The following CFAP251 variants were observed in gnomAD, a reference collection of about 807,000 sequenced individuals.
CFAP251 encodes cilia and flagella associated protein 251.
Under a neutral mutation model 126.7 loss-of-function variants are expected in CFAP251, and 93 were observed. The ratio of observed to expected loss-of-function variants is 0.73; its 90% CI spans 0.62 to 0.87. CFAP251 has a LOEUF of 0.87. Ranked by LOEUF, CFAP251 falls within the 40% of genes least tolerant of loss-of-function variation. The pLI is 0.00. For missense variants in CFAP251, 1,287 were observed against 1,389.2 expected, an observed-to-expected ratio of 0.93 and a Z score of 1.17; for synonymous variants, 503 against 506.9, an observed-to-expected ratio of 0.99 and a Z score of 0.10.
At chr12:121,999,981 G>A (rs1883111360) in intron 20 of CFAP251, 37 bp downstream of exon 20, 4 of 1,543,400 alleles carry the variant, frequency 2.6e-6, no homozygotes, top group Non-Finnish European at 3.6e-6. Flanking sequence ...TAACATCCTG[G>A]GGCCATTCCC....
At chr12:121,952,874 T>G (rs547489137) in intron 9 of CFAP251, 3 of 152,228 alleles carry the variant, frequency 2.0e-5, no homozygotes, top group Non-Finnish European at 2.9e-5. Context: ...TTCTCATTAT[T>G]GTTGGTAGTT....
rs879035625 is a variant in CFAP251 at position 121,942,837 on chromosome 12, G to A, written c.1111-58G>A. 1.9e-6 allele frequency: 3 copies of A among 1,586,678 alleles called. No homozygotes were observed. The South Asian group carries it at 3.3e-5, about 18-fold the overall frequency. On this transcript the variant is annotated intron_variant, in intron 6 of 21. Coordinates refer to ENST00000288912, the MANE Select transcript of CFAP251 (RefSeq NM_144668.6). The stretch of plus-strand genomic sequence containing the variant: ...TTTGGGGTCACCACAAGAGGTGTAA[G>A]TTACTTCAGCAGACTTCACAGACCT...
intron 7 of CFAP251, among the ~76,000 whole-genome samples, chr12:121,945,270 C>T (rs1377633843): frequency 6.6e-6 from 1 of 152,202 alleles, no homozygotes; most frequent in Non-Finnish European, 1.5e-5. Context: ...ACTCTCGCTT[C>T]ACTCTCTAAC....
chr12:121,928,306 G>T (rs1388089112), intron 3 of CFAP251, among the ~76,000 whole-genome samples: 1 of 151,964 alleles, frequency 6.6e-6, no homozygotes, highest in African/African-American at 2.4e-5. Flanking sequence ...AGACAATTAT[G>T]ATTCCATAAT....
At chr12:121,970,425 G>A (rs547121246) in intron 17 of CFAP251, among the ~76,000 whole-genome samples, 2 of 152,238 alleles carry the variant, frequency 1.3e-5, no homozygotes, top group African/African-American at 4.8e-5. Context: ...CGCCAGGCAA[G>A]TCCCTTCACT....
At chr12:121,988,187 C>G (rs1398558046) in intron 19 of CFAP251, among the ~76,000 whole-genome samples, 1 of 151,890 alleles carries the variant, frequency 6.6e-6, no homozygotes, top group Non-Finnish European at 1.5e-5. Context: ...CTTGCCATTG[C>G]CATGGCTTCT....
rs765860065 is a variant in CFAP251 at position 122,003,635 on chromosome 12, T to G, written c.3338-17T>G. On this transcript the variant is annotated splice_polypyrimidine_tract_variant and intron_variant, in intron 21 of 21. Coordinates refer to ENST00000288912, the MANE Select transcript of CFAP251 (RefSeq NM_144668.6). ...TCATCATGAAGGCATTTGGTGTTCT[T>G]TTCTTGTTTTGGCTAGGTTCAGAAA... The G allele has an allele frequency of 2.5e-6, 4 of 1,594,876 alleles. No homozygotes were observed. Among genetic ancestry groups the G allele is most frequent in the Non-Finnish European group, 3.4e-6 (4 of 1,166,740 alleles).
intron 5 of CFAP251, among the ~76,000 whole-genome samples, chr12:121,939,355 C>T (rs947490892): frequency 1.3e-5 from 2 of 152,100 alleles, no homozygotes; most frequent in African/African-American, 4.8e-5. Flanking sequence ...GCTACACGCT[C>T]TCAGCTGCAA....
Position 121,918,977 on chromosome 12 carries a change from G to A in CFAP251, c.-21+282G>A, listed in dbSNP as rs2135738262. ...TGGGCTCAGTCAAAAGAGGCTCGGTGGTGAGAGCCCTAGACTTGATTCAGA... is the reference window on the plus strand; with the variant it reads ...TGGGCTCAGTCAAAAGAGGCTCGGTAGTGAGAGCCCTAGACTTGATTCAGA... On this transcript the variant is annotated intron_variant, in intron 1 of 21. Transcript: ENST00000288912. This position sits in a 1 kb window ranked among gnomAD's most constrained non-coding sequence, Gnocchi z 4.3. Among the ~76,000 whole-genome samples, 1 of 152,260 alleles carries A rather than the reference G, an allele frequency of 6.6e-6. No homozygotes were observed. The highest frequency in any genetic ancestry group is 1.5e-5 in the Non-Finnish European group (1 of 68,004).
chr12:121,958,578 T>C, intron 12 of CFAP251, 56 bp downstream of exon 12: 1 of 1,601,014 alleles, frequency 6.2e-7, no homozygotes, highest in South Asian at 1.1e-5. Context: ...CTGAAAGGGA[T>C]GGATGCACCT....
At chr12:121,963,661 C>G (rs1882024405) in intron 15 of CFAP251, among the ~76,000 whole-genome samples, 1 of 148,416 alleles carries the variant, frequency 6.7e-6, no homozygotes, top group Non-Finnish European at 1.5e-5. Context: ...CCTGTGAGCC[C>G]TCACAAGAAA....
At chr12:121,960,975 G>A (rs1456007624) in intron 14 of CFAP251, among the ~76,000 whole-genome samples, 11 of 152,192 alleles carry the variant, frequency 7.2e-5, no homozygotes, top group Non-Finnish European at 1.0e-4. Context: ...GAGGCTTCCC[G>A]GGCAGCAACA....
intron 11 of CFAP251, 82 bp downstream of exon 11, chr12:121,957,350 G>T: frequency 7.3e-7 from 1 of 1,366,882 alleles, no homozygotes; most frequent in Non-Finnish European, 1.0e-6. Flanking sequence ...TGGGAGGTTC[G>T]TGTTGTTCCT....
In CFAP251 at chr12:121,969,983, C is replaced by T. The variant is rs1882279334; in HGVS notation, c.2771+1814C>T. The T allele has an allele frequency of 7.1e-6, 7 of 983,122 alleles. No individual in the cohort carries two copies. In the African/African-American group the frequency reaches 8.7e-5, roughly 12 times the overall value. The allele number at this position is 983,122 out of a possible 1,614,324, so 60.9% of individuals were successfully genotyped here. A position where few individuals can be genotyped will look rare whatever the true frequency, so the allele number is the denominator to read the frequency against. ...ATCACTTCATTGCTGCTTCTGGTGA[C>T]TTAATATGATCAGCACTTCACTAAT... On this transcript the variant is annotated intron_variant, in intron 17 of 21. Transcript: ENST00000288912.
chr12:121,966,881 G>A (rs530093241), intron 15 of CFAP251, 74 bp from the exon 16 acceptor site: 2 of 1,443,526 alleles, frequency 1.4e-6, no homozygotes, highest in East Asian at 4.6e-5. Context: ...ACTGCGCCTG[G>A]CCCGACCAAA....
chr12:121,980,443 G>C (rs972648095), intron 19 of CFAP251, among the ~76,000 whole-genome samples: 6 of 138,994 alleles, frequency 4.3e-5, no homozygotes, highest in Admixed American at 2.3e-4. Context: ...GGGTCTCACT[G>C]TGTCACCTGG....
intron 3 of CFAP251, 77 bp from the exon 4 acceptor site, chr12:121,931,669 C>G (rs892788750): frequency 7.4e-6 from 10 of 1,358,524 alleles, no homozygotes; most frequent in African/African-American, 1.5e-5. Flanking sequence ...AATCCTTCCC[C>G]TCCGGCGAGT....
intron 3 of CFAP251, among the ~76,000 whole-genome samples, chr12:121,926,021 ATTT>A (rs35760212): frequency 0.013 from 1,268 of 97,504 alleles, 17 homozygotes; most frequent in African/African-American, 0.044. Context: ...ATTTTTTGTA[ATTT>A]TTTTTTTTTT....
intron 19 of CFAP251, among the ~76,000 whole-genome samples, chr12:121,992,745 A>G (rs1312477664): frequency 6.6e-6 from 1 of 151,406 alleles, no homozygotes. Context: ...ACGCCAAGCT[A>G]ATTTGTTGTC....
Sources: gnomAD v4.1 joint callset for allele counts (sites outside exome capture counted in the v4.1 genomes callset) on GRCh38, gnomAD v4.1.1 for gene constraint, Gnocchi (gnomAD v3.1) non-coding constraint, MANE v1.5 for transcripts, NCBI Gene and HGNC (gene_info 2026-07-23, HGNC 2026-07-21) for gene names.